Variants in RIF1 observed in about 807,000 individuals in gnomAD.
The protein encoded by RIF1 is telomere-associated protein RIF1.
In RIF1, 45 loss-of-function variants were observed where a neutral mutation model predicts 247.1. The ratio of observed to expected loss-of-function variants is 0.18; its 90% CI spans 0.14 to 0.23. The LOEUF is 0.23. Ranked by LOEUF, RIF1 falls within the 10% of genes least tolerant of loss-of-function variation. The pLI is 1.00. For missense variants in RIF1, 2,967 were observed against 2,862.5 expected, an observed-to-expected ratio of 1.04 and a Z score of -0.83; for synonymous variants, 1,087 against 978.8, an observed-to-expected ratio of 1.11 and a Z score of -2.06.
the RIF1 span, chr2:151,527,368 A>C: frequency 1.1e-6 from 1 of 900,362 alleles, no homozygotes; most frequent in Non-Finnish European, 1.7e-6. Context: ...TCCTTCTCGG[A>C]TCTCAAACGA....
At chr2:151,512,986 T>C, downstream of RIF1, 1 of 644,046 alleles carries the variant, frequency 1.6e-6, no homozygotes, top group Non-Finnish European at 2.7e-6. Flanking sequence ...ATTTTGTTCA[T>C]AGTTTTATAC....
chr2:151,450,371 G>A lies in RIF1; in HGVS notation c.2245-1235G>A, dbSNP rs552471207. 3.9e-5 allele frequency among the ~76,000 whole-genome samples: 6 copies of A among 152,060 alleles called. No homozygotes were observed. In the East Asian group the frequency reaches 1.2e-3, roughly 29 times the overall value. On this transcript the variant is annotated intron_variant, in intron 20 of 35. Transcript: ENST00000444746. ...TTATTTATAAGACACTTGGGATCAG[G>A]TATCTCCCTGATTATGAATTTGCTG... is the stretch of plus-strand genomic sequence containing the variant.
Position 151,478,207 on chromosome 2 carries a change from C to CA in RIF1, c.*3141dup, listed in dbSNP as rs1351880428. 2 of 152,098 alleles carry CA rather than the reference C, an allele frequency of 1.3e-5. No individual in the cohort carries two copies. Among genetic ancestry groups the CA allele is most frequent in the Non-Finnish European group, 2.9e-5 (2 of 67,994 alleles). 9.4% of individuals were successfully genotyped at this position (152,098 alleles called of 1,614,324 possible). ...AAATAATGCTGTTGGATAATACAGGCAAAAACAGGATTTAAACCCGCACAT... is the reference window on the plus strand; with the variant it reads ...AAATAATGCTGTTGGATAATACAGGCAAAAAACAGGATTTAAACCCGCACAT... On this transcript the variant is annotated 3_prime_UTR_variant, in exon 36 of 36. Transcript: ENST00000444746.
At chr2:151,410,859 A>G (rs1686049062) in intron 2 of RIF1, among the ~76,000 whole-genome samples, 1 of 92,190 alleles carries the variant, frequency 1.1e-5, no homozygotes, top group African/African-American at 3.6e-5. Context: ...AAATGTGGCT[A>G]CCCAGAGTTT....
At chr2:151,473,855 G>T (rs1336021908) in intron 34 of RIF1, 109 bp from the exon 35 acceptor site, 1 of 692,208 alleles carries the variant, frequency 1.4e-6, no homozygotes, top group Non-Finnish European at 2.6e-6. Flanking sequence ...TAGAACATAG[G>T]TTCTATGCAA....
At chr2:151,525,896 T>A in the RIF1 span, 32 of 1,289,968 alleles carry the variant, frequency 2.5e-5, 1 homozygote, top group Admixed American at 5.4e-4. Context: ...TGACATTATT[T>A]CACCAGATTC....
chr2:151,482,014 A>C lies in RIF1; in HGVS notation c.*6943A>C, dbSNP rs1220710812. 1.1e-5 allele frequency: 1 copy of C among 94,576 alleles called. No homozygotes were observed. The highest frequency in any genetic ancestry group is 2.4e-5 in the Non-Finnish European group (1 of 42,286). The allele number at this position is 94,576 out of a possible 1,614,324, so 5.9% of individuals were successfully genotyped here. A position where few individuals can be genotyped will look rare whatever the true frequency, so the allele number is the denominator to read the frequency against. Reference sequence around the variant, plus strand: ...TTACAGTTACTATTTCTGGTTCTTTATGACTGTTGAGGGGGGGCAGAATTC... The same window carrying C: ...TTACAGTTACTATTTCTGGTTCTTTCTGACTGTTGAGGGGGGGCAGAATTC... On this transcript the variant is annotated 3_prime_UTR_variant, in exon 36 of 36. Transcript: ENST00000444746.
At chr2:151,524,725 G>A in the RIF1 span, 1 of 863,624 alleles carries the variant, frequency 1.2e-6, no homozygotes, top group South Asian at 1.7e-5. Flanking sequence ...TGAGTGCAGT[G>A]GTACAATCTC....
Position 151,469,988 on chromosome 2 carries a change from CTTTA to C in RIF1, c.7095+126_7095+129del, listed in dbSNP as rs1016925479. 1.2e-5 allele frequency: 7 copies of C among 579,630 alleles called. No individual in the cohort carries two copies. In the Admixed American group the frequency reaches 1.4e-4, roughly 12 times the overall value. 35.9% of individuals were successfully genotyped at this position (579,630 alleles called of 1,614,324 possible). ...AATTGATTCATTTATTTTGTACTGT[CTTTA>C]TGCATTGCACCTCAGATAAATTTTT... is the stretch of plus-strand genomic sequence containing the variant. On this transcript the variant is annotated intron_variant, in intron 34 of 35. Transcript: ENST00000444746.
rs1574651626 is a variant in RIF1, at chr2:151,492,148, A to G, written c.*416-3081A>G. On this transcript the variant is annotated intron_variant and NMD_transcript_variant, in intron 9 of 13. Transcript: ENST00000454583. The stretch of plus-strand genomic sequence containing the variant: ...ATTCCGTTTTTGTTCCATTTCTACC[A>G]CTTTCCTCTGAATACCTCGGTAGTT... 6.2e-7 allele frequency: 1 copy of G among 1,613,684 alleles called. No homozygotes were observed. The highest frequency in any genetic ancestry group is 8.5e-7 in the Non-Finnish European group (1 of 1,179,816).
At chr2:151,462,837 T>C (rs1297384624) in intron 29 of RIF1, 47 bp from the exon 30 acceptor site, 1 of 1,375,438 alleles carries the variant, frequency 7.3e-7, no homozygotes, top group Non-Finnish European at 9.9e-7. Flanking sequence ...ACTCGTTTGC[T>C]GGTTATTAAT....
chr2:151,492,531 C>T (rs191711599), intron 9 of RIF1: 1,113 of 1,473,268 alleles, frequency 7.6e-4, no homozygotes, highest in Non-Finnish European at 9.2e-4. Context: ...TGGTGCTGTC[C>T]TAAATCTGAA....
intron 10 of RIF1, chr2:151,498,327 G>C: frequency 2.6e-6 from 4 of 1,550,800 alleles, no homozygotes; most frequent in East Asian, 2.4e-5. Context: ...TGGAATTCCT[G>C]TCCCCAGGTT....
At chr2:151,497,870 T>A (rs1330463522) in intron 10 of RIF1, 1 of 1,506,016 alleles carries the variant, frequency 6.6e-7, no homozygotes, top group Non-Finnish European at 8.8e-7. Context: ...AAGCTGTTGT[T>A]GGGATAGGGA....
the RIF1 span, chr2:151,514,292 G>A: frequency 4.0e-5 from 58 of 1,462,510 alleles, 2 homozygotes; most frequent in African/African-American, 4.2e-4. Flanking sequence ...TATGAATTAC[G>A]TGCAGGCAGT....
At chr2:151,490,345 G>A in intron 9 of RIF1, 1 of 1,578,552 alleles carries the variant, frequency 6.3e-7, no homozygotes, top group African/African-American at 1.3e-5. Flanking sequence ...GGGTGGGACT[G>A]CCAAAATCAG....
chr2:151,441,831 A>G, intron 15 of RIF1, 74 bp from the exon 16 acceptor site: 1 of 645,238 alleles, frequency 1.5e-6, no homozygotes, highest in South Asian at 1.9e-5. Flanking sequence ...TGTTAGAGAT[A>G]TAGTTAACAC....
In RIF1 at chr2:151,464,762, G is replaced by A. The variant is rs1182736048; in HGVS notation, c.5242G>A (p.Gly1748Arg). The A allele has an allele frequency of 1.2e-6, 2 of 1,613,804 alleles. No homozygotes were observed. The highest frequency in any genetic ancestry group is 4.5e-5 in the East Asian group (2 of 44,862). Residue 1748 changes from glycine to arginine, a missense_variant, in exon 30 of 36, where the codon GGG (glycine) becomes AGG (arginine). By Grantham distance (125) the Gly-to-Arg change is moderately radical (BLOSUM62 -2). Coordinates refer to ENST00000444746, the MANE Select transcript of RIF1 (RefSeq NM_018151.5). ...KSQPQEKSLI[G>R]LKNTENNDVE... is the part of the protein sequence containing the mutation. ...ACAACCTCAGGAAAAGTCACTCATT[G>A]GGTTAAAGAATACAGAAAATAATGA...
chr2:151,471,891 T>C (rs533729758), intron 34 of RIF1, among the ~76,000 whole-genome samples: 1 of 152,346 alleles, frequency 6.6e-6, no homozygotes, highest in Admixed American at 6.5e-5. Flanking sequence ...AAGTAGTTTT[T>C]TCCAATTCTG....
Sources: gnomAD v4.1 joint callset for allele counts (sites outside exome capture counted in the v4.1 genomes callset) on GRCh38, gnomAD v4.1.1 for gene constraint, MANE v1.5 for transcripts, NCBI Gene and HGNC (gene_info 2026-07-23, HGNC 2026-07-21) for gene names.